RYK: variants seen among roughly 807,000 people sequenced by gnomAD.
RYK encodes the protein inactive tyrosine-protein kinase RYK.
Under a neutral mutation model 70.2 loss-of-function variants are expected in RYK, and 21 were observed. The ratio of observed to expected loss-of-function variants is 0.30; its 90% CI spans 0.21 to 0.43. The LOEUF is 0.43. Among genes scored for constraint, RYK ranks in the 20% least tolerant of loss-of-function variants. The pLI, the probability that RYK is intolerant of heterozygous loss-of-function variation, is 1.00. For synonymous variants in RYK, 267 were observed against 278.0 expected (o/e 0.96, Z 0.39); for missense variants, 604 against 753.3 (o/e 0.80, Z 2.32).
chr3:134,159,127 T>C (rs1375087646), intron 14 of RYK, 110 bp downstream of exon 14: 14 of 1,159,492 alleles, frequency 1.2e-5, no homozygotes, highest in Admixed American at 8.0e-5. Context: ...CAAAGAGTCA[T>C]TATTCTCAAA....
At chr3:134,231,760 T>C (rs972223288) in intron 1 of RYK, among the ~76,000 whole-genome samples, 2 of 152,202 alleles carry the variant, frequency 1.3e-5, no homozygotes, top group African/African-American at 4.8e-5. Flanking sequence ...CCACTTCAGA[T>C]GACTGCTTGA....
intron 13 of RYK, among the ~76,000 whole-genome samples, chr3:134,162,234 A>AT (rs35638482): frequency 2.0e-3 from 276 of 139,366 alleles, no homozygotes; most frequent in Middle Eastern, 7.3e-3. Context: ...GGCTTCAACC[A>AT]TTTTTTTTTT....
Position 134,188,868 on chromosome 3 carries a change from T to C in RYK, c.1071A>G (p.Lys357=). ...CTGTTTTGACAAATGCTTGTTTTTC[T>C]TTATTTGGATCTTTTTCATCTATTA... ...GILIDEKDPN[K]EKQAFVKTVK... is the part of the protein sequence containing the mutation. Residue 357 remains lysine (K), a synonymous_variant, in exon 9 of 15, where the codon AAA becomes AAG. Coordinates refer to ENST00000623711, the MANE Select transcript of RYK (RefSeq NM_002958.4). The C allele has an allele frequency of 6.3e-7, 1 of 1,581,778 alleles. No homozygotes were observed. The highest frequency in any genetic ancestry group is 8.7e-7 in the Non-Finnish European group (1 of 1,155,602).
intron 1 of RYK, among the ~76,000 whole-genome samples, chr3:134,236,917 T>C (rs2015211987): frequency 6.6e-6 from 1 of 152,292 alleles, no homozygotes; most frequent in South Asian, 2.1e-4. Flanking sequence ...TGATTTAGGA[T>C]GAAAATACTT....
chr3:134,224,441 C>T (rs2014830988), intron 1 of RYK, among the ~76,000 whole-genome samples: 3 of 152,296 alleles, frequency 2.0e-5, no homozygotes, highest in Admixed American at 1.3e-4. Flanking sequence ...GAAGGCAGAG[C>T]CAGGTGTACA....
In RYK at chr3:134,225,888, C is replaced by A. The variant is rs528210023; in HGVS notation, c.233-3349G>T. Among the ~76,000 whole-genome samples the A allele has an allele frequency of 3.9e-3, 577 of 146,552 alleles. 2 individuals are homozygous for A. Among genetic ancestry groups the A allele is most frequent in the African/African-American group, 0.013 (542 of 40,914 alleles). ...TAAAAAGATCAAAAAAAAAAAAGATCAAAGGTCACCAAATTGAGTGTGGAC... is the reference window on the plus strand; with the variant it reads ...TAAAAAGATCAAAAAAAAAAAAGATAAAAGGTCACCAAATTGAGTGTGGAC... On this transcript the variant is annotated intron_variant, in intron 1 of 14. Transcript: ENST00000623711.
At chr3:134,220,695 G>C (rs2014705390) in intron 2 of RYK, among the ~76,000 whole-genome samples, 2 of 151,996 alleles carry the variant, frequency 1.3e-5, no homozygotes, top group Admixed American at 1.3e-4. Flanking sequence ...TACACACACA[G>C]GGATACACAT....
intron 13 of RYK, among the ~76,000 whole-genome samples, chr3:134,163,449 T>G (rs2108140685): frequency 6.6e-6 from 1 of 152,344 alleles, no homozygotes; most frequent in African/African-American, 2.4e-5. Context: ...TATCTCCATT[T>G]AAAGAACATT....
chr3:134,203,082 C>A (rs1215316914), intron 5 of RYK, among the ~76,000 whole-genome samples: 1 of 152,124 alleles, frequency 6.6e-6, no homozygotes, highest in Admixed American at 6.5e-5. Context: ...TGTGATGGCT[C>A]ACGCCTGTAA....
intron 8 of RYK, among the ~76,000 whole-genome samples, chr3:134,189,653 G>A (rs2013581932): frequency 6.8e-6 from 1 of 146,070 alleles, no homozygotes; most frequent in East Asian, 2.0e-4. Flanking sequence ...TGAGGCAGGA[G>A]AACAGCATGA....
intron 1 of RYK, among the ~76,000 whole-genome samples, chr3:134,226,625 C>T (rs986818613): frequency 2.6e-5 from 4 of 152,060 alleles, no homozygotes; most frequent in African/African-American, 4.8e-5. Flanking sequence ...TACAAGAATA[C>T]ATAAAAGGAT....
chr3:134,173,510 G>A (rs1230470172), intron 13 of RYK, among the ~76,000 whole-genome samples: 1 of 152,120 alleles, frequency 6.6e-6, no homozygotes, highest in East Asian at 1.9e-4. Flanking sequence ...CATGACGAAG[G>A]AAAAGAAGAA....
intron 13 of RYK, among the ~76,000 whole-genome samples, chr3:134,173,664 T>C (rs945334513): frequency 2.0e-5 from 3 of 152,072 alleles, no homozygotes; most frequent in African/African-American, 7.2e-5. Context: ...ATCTCCACCC[T>C]TGGTCTCGCC....
At chr3:134,195,303 A>C in intron 6 of RYK, 121 bp from the exon 7 acceptor site, 1 of 674,088 alleles carries the variant, frequency 1.5e-6, no homozygotes, top group Admixed American at 2.8e-5. Context: ...CGGAGATCAC[A>C]ATAATTCATG....
rs1045012426 is a variant in RYK, at chr3:134,230,700, C to T, written c.233-8161G>A. On this transcript the variant is annotated intron_variant, in intron 1 of 14. Coordinates refer to ENST00000623711, the MANE Select transcript of RYK (RefSeq NM_002958.4). The stretch of plus-strand genomic sequence containing the variant: ...AACTGTTGAATTTATTACAAAGAGG[C>T]ATCAGGGAATTTCTGGGGTGATGGA... Among the ~76,000 whole-genome samples the T allele has an allele frequency of 2.0e-5, 3 of 152,172 alleles. 1 individual carries two copies. Among genetic ancestry groups the T allele is most frequent in the South Asian group, 4.1e-4 (2 of 4,828 alleles).
At chr3:134,217,657 A>C (rs1328580920) in intron 2 of RYK, among the ~76,000 whole-genome samples, 2 of 152,208 alleles carry the variant, frequency 1.3e-5, no homozygotes, top group Non-Finnish European at 2.9e-5. Flanking sequence ...ATGTATATAT[A>C]CATATATGCA....
At chr3:134,236,812 G>T (rs2015209545) in intron 1 of RYK, among the ~76,000 whole-genome samples, 1 of 152,216 alleles carries the variant, frequency 6.6e-6, no homozygotes, top group East Asian at 1.9e-4. Context: ...AAGAGACAAG[G>T]GGGCTGTGCT....
intron 9 of RYK, among the ~76,000 whole-genome samples, chr3:134,187,504 C>T (rs1201075435): frequency 6.6e-6 from 1 of 152,136 alleles, no homozygotes; most frequent in African/African-American, 2.4e-5. Context: ...TAAATTATCA[C>T]ATTTTTCTTT....
intron 2 of RYK, among the ~76,000 whole-genome samples, chr3:134,221,297 C>A (rs1045962774): frequency 6.8e-6 from 1 of 146,088 alleles, no homozygotes; most frequent in Non-Finnish European, 1.5e-5. Context: ...CTCCGCCTCC[C>A]GGGTTCAAGT....
Sources: gnomAD v4.1 joint callset for allele counts (sites outside exome capture counted in the v4.1 genomes callset) on GRCh38, gnomAD v4.1.1 for gene constraint, MANE v1.5 for transcripts, NCBI Gene and HGNC (gene_info 2026-07-23, HGNC 2026-07-21) for gene names.